The following LMO7 variants were observed in gnomAD, a reference collection of about 807,000 sequenced individuals.
The protein encoded by LMO7 is LIM domain only protein 7.
Under a neutral mutation model 206.5 loss-of-function variants are expected in LMO7, and 120 were observed. The observed-to-expected ratio is 0.58, with a 90% CI of 0.50 to 0.68. The LOEUF is 0.68. Ranked by LOEUF, LMO7 falls within the 30% of genes least tolerant of loss-of-function variation. The pLI is 0.00. For synonymous variants in LMO7, 706 were observed against 681.5 expected, an observed-to-expected ratio of 1.04 and a Z score of -0.56; for missense variants, 1,959 against 1,957.9, an observed-to-expected ratio of 1.00 and a Z score of -0.01.
chr13:75,783,681 T>C (rs1012714171), intron 4 of LMO7, among the ~76,000 whole-genome samples: 2 of 152,200 alleles, frequency 1.3e-5, no homozygotes, highest in Non-Finnish European at 2.9e-5. Flanking sequence ...AATGAGTTTT[T>C]CTTCCAAGGT....
rs567032014 is a variant in LMO7 at position 75,852,988 on chromosome 13, CAT to C, written c.4365-100_4365-99del. On this transcript the variant is annotated intron_variant, in intron 27 of 30. Transcript: ENST00000377534. ...ACTAGAATACTTAGATTAATATCCA[CAT>C]ATAAAATATAAAAATGGATTTTTAA... 5 of 892,014 alleles carry C rather than the reference CAT, an allele frequency of 5.6e-6. No individual in the cohort carries two copies. In the African/African-American group the frequency reaches 8.5e-5, roughly 15 times the overall value. 55.3% of individuals were successfully genotyped at this position (892,014 alleles called of 1,614,324 possible).
rs1363774362 is a variant in LMO7 at position 75,794,987 on chromosome 13, G to T, written c.318-414G>T. On this transcript the variant is annotated intron_variant, in intron 4 of 30. Transcript: ENST00000377534. ...AAACCCCTCGCTTTTATTTTTCATTGTGTTTTTAAGGTTTTTTTCCCCCCA... is the reference window on the plus strand; with the variant it reads ...AAACCCCTCGCTTTTATTTTTCATTTTGTTTTTAAGGTTTTTTTCCCCCCA... Among the ~76,000 whole-genome samples, 5 of 151,772 alleles carry T rather than the reference G, an allele frequency of 3.3e-5. No homozygotes were observed. In the East Asian group the frequency reaches 9.7e-4, roughly 29 times the overall value.
In LMO7 at chr13:75,711,517, AC is replaced by A. The variant is rs1327801895; in HGVS notation, c.70-1661del. Among the ~76,000 whole-genome samples the A allele has an allele frequency of 3.3e-5, 5 of 152,080 alleles. No individual in the cohort carries two copies. In the East Asian group the frequency reaches 5.8e-4, roughly 18 times the overall value. On this transcript the variant is annotated intron_variant, in intron 1 of 30. Transcript: ENST00000377534. ...ATTCAGAGACTCAATGCCGTCTGTC[AC>A]CCCTGTCTTTGACTAGGAAAGGGAT...
chr13:75,802,961 C>T (rs2054960120), intron 7 of LMO7, among the ~76,000 whole-genome samples: 1 of 152,172 alleles, frequency 6.6e-6, no homozygotes, highest in South Asian at 2.1e-4. Context: ...GGACACCGTA[C>T]TGGGCTAAAA....
chr13:75,650,195 G>A (rs1054497471), intron 1 of LMO7, among the ~76,000 whole-genome samples: 8 of 151,818 alleles, frequency 5.3e-5, no homozygotes, highest in Non-Finnish European at 7.4e-5. Context: ...AGTGGCGTGA[G>A]CTAGGCTCAC....
intron 15 of LMO7, among the ~76,000 whole-genome samples, chr13:75,832,648 A>T (rs2058768295): frequency 6.6e-6 from 1 of 152,122 alleles, no homozygotes; most frequent in Non-Finnish European, 1.5e-5. Context: ...AAGTATTGGG[A>T]GTAGGTGTTT....
chr13:75,831,649 G>A (rs1261529297), intron 15 of LMO7, among the ~76,000 whole-genome samples: 1 of 152,178 alleles, frequency 6.6e-6, no homozygotes, highest in Admixed American at 6.5e-5. Flanking sequence ...ATAGGCAAAT[G>A]TTGTGTGCAG....
At chr13:75,685,467 G>A (rs1012103588) in intron 1 of LMO7, among the ~76,000 whole-genome samples, 16 of 152,126 alleles carry the variant, frequency 1.1e-4, no homozygotes, top group African/African-American at 2.7e-4. Context: ...TGAAAGCCTG[G>A]CAATGCATTT....
At chr13:75,785,666 A>G (rs968690268) in intron 4 of LMO7, among the ~76,000 whole-genome samples, 6 of 152,190 alleles carry the variant, frequency 3.9e-5, no homozygotes, top group Non-Finnish European at 7.4e-5. Flanking sequence ...ATGTGTATTC[A>G]AGAGGACAGC....
rs2057546886 is a variant in LMO7 at position 75,821,201 on chromosome 13, A to G, written c.2232A>G (p.Thr744=). The stretch of plus-strand genomic sequence containing the variant: ...GGGAATCCCAAAATCAAAAGTCTAC[A>G]GTTCCGTCAAGAAGGAGAATGTATT... ...QDRESQNQKS[T]VPSRRRMYSF... The change falls in exon 14 of 31, where the codon ACA becomes ACG. Residue 744 remains threonine, a synonymous_variant. Transcript: ENST00000377534. 1.2e-6 allele frequency: 2 copies of G among 1,608,044 alleles called. No individual in the cohort carries two copies. Among genetic ancestry groups the G allele is most frequent in the Non-Finnish European group, 1.7e-6 (2 of 1,178,044 alleles).
intron 20 of LMO7, chr13:75,838,592 A>G (rs1025667033): frequency 4.0e-5 from 8 of 198,112 alleles, no homozygotes; most frequent in East Asian, 1.4e-4. Flanking sequence ...CCAACATGCA[A>G]TTGGCCAAGT....
chr13:75,853,804 C>T (rs576782635), intron 28 of LMO7, among the ~76,000 whole-genome samples: 60 of 152,222 alleles, frequency 3.9e-4, no homozygotes, highest in Non-Finnish European at 8.4e-4. Context: ...CATACAAACT[C>T]ACAGGAACTG....
chr13:75,800,930 G>T, intron 7 of LMO7, 48 bp downstream of exon 7: 2 of 1,556,400 alleles, frequency 1.3e-6, no homozygotes, highest in Non-Finnish European at 8.9e-7. Context: ...TATTAAGGGA[G>T]AACTGGGAAC....
chr13:75,743,388 A>G (rs2061065296), intron 3 of LMO7, among the ~76,000 whole-genome samples: 1 of 152,184 alleles, frequency 6.6e-6, no homozygotes, highest in African/African-American at 2.4e-5. Context: ...TATCATAAAG[A>G]CACATGCATG....
intron 4 of LMO7, among the ~76,000 whole-genome samples, chr13:75,776,134 TATATATATATGCCATGTATATATATCGG>T: frequency 7.9e-6 from 1 of 126,072 alleles, no homozygotes; most frequent in Non-Finnish European, 1.7e-5. Flanking sequence ...TACATATATA[TATATATATATGCCATGTATATATATCGG>T]ATATATATAT....
intron 4 of LMO7, among the ~76,000 whole-genome samples, chr13:75,778,091 G>T (rs1158350960): frequency 6.6e-6 from 1 of 152,150 alleles, no homozygotes; most frequent in African/African-American, 2.4e-5. Context: ...CCAATGCAAG[G>T]TAACTTATTT....
Position 75,772,858 on chromosome 13 carries a change from A to G in LMO7, c.317+11820A>G, listed in dbSNP as rs555216165. ...CTTCTCAAACTTCAATGTGCATGGAAAACAACCAGGGATCTTGTTCAAATG... is the reference window on the plus strand; with the variant it reads ...CTTCTCAAACTTCAATGTGCATGGAGAACAACCAGGGATCTTGTTCAAATG... On this transcript the variant is annotated intron_variant, in intron 4 of 30. Transcript: ENST00000377534. Among the ~76,000 whole-genome samples, 14 of 152,218 alleles carry G rather than the reference A, an allele frequency of 9.2e-5. No homozygotes were observed. In the South Asian group the frequency reaches 2.7e-3, roughly 29 times the overall value.
chr13:75,831,815 C>T (rs1426825537), intron 15 of LMO7, among the ~76,000 whole-genome samples: 4 of 152,142 alleles, frequency 2.6e-5, no homozygotes, highest in African/African-American at 4.8e-5. Context: ...GTAACACTTC[C>T]CAGCACTACC....
At chr13:75,689,577 C>T (rs757314880) in intron 1 of LMO7, among the ~76,000 whole-genome samples, 2 of 152,174 alleles carry the variant, frequency 1.3e-5, no homozygotes, top group Non-Finnish European at 2.9e-5. Flanking sequence ...CACCCTCAAT[C>T]TGGGTGGGCA....
Sources: gnomAD v4.1 joint callset for allele counts (sites outside exome capture counted in the v4.1 genomes callset) on GRCh38, gnomAD v4.1.1 for gene constraint, MANE v1.5 for transcripts, NCBI Gene and HGNC (gene_info 2026-07-23, HGNC 2026-07-21) for gene names.